KANSL1L: variants seen among roughly 807,000 people sequenced by gnomAD.
KANSL1L encodes KAT8 regulatory NSL complex subunit 1 like, also known as KAT8 regulatory NSL complex subunit 1-like protein.
In KANSL1L, 25 loss-of-function variants were observed where a neutral mutation model predicts 108.6. The ratio of observed to expected loss-of-function variants is 0.23; its 90% confidence interval spans 0.17 to 0.32. The LOEUF (loss-of-function observed/expected upper bound fraction) is 0.32. Among genes scored for constraint, KANSL1L ranks in the 10% least tolerant of loss-of-function variants. The pLI is 1.00. For synonymous variants in KANSL1L, 405 were observed against 395.1 expected, an observed-to-expected ratio of 1.03 and a Z score of -0.30; for missense variants, 1,137 against 1,125.7, an observed-to-expected ratio of 1.01 and a Z score of -0.14.
intron 1 of KANSL1L, among the ~76,000 whole-genome samples, chr2:210,158,429 A>T (rs541384585): frequency 2.6e-5 from 4 of 152,324 alleles, no homozygotes; most frequent in Non-Finnish European, 5.9e-5. Flanking sequence ...CCTAGCCAAC[A>T]CCTTGATTAA....
In KANSL1L at chr2:210,129,131, C is replaced by T. The variant is rs1286320265; in HGVS notation, c.1130G>A (p.Arg377Gln). ...AAGCCAAGTCCATCGGCTGCCAACT[C>T]GTGCTCTGTCTACAAGCCACTTCCA... ...TEWKWLVDRA[R>Q]VGSRWTWLQA... Residue 377 changes from arginine (R) to glutamine (Q), a missense_variant, in exon 3 of 15, where the codon CGA (arginine) becomes CAA (glutamine). Around this residue, in one of 3 missense-constraint regions of KANSL1L, gnomAD observed 556 missense variants for 537.7 expected, o/e 1.03. Coordinates refer to ENST00000281772, the MANE Select transcript of KANSL1L (RefSeq NM_152519.4). 2 of 1,613,870 alleles carry T rather than the reference C, an allele frequency of 1.2e-6. No homozygotes were observed. Among genetic ancestry groups the T allele is most frequent in the South Asian group, 1.1e-5 (1 of 91,078 alleles).
intron 3 of KANSL1L, among the ~76,000 whole-genome samples, chr2:210,113,847 A>G (rs758348277): frequency 6.6e-5 from 10 of 152,184 alleles, no homozygotes; most frequent in Non-Finnish European, 1.3e-4. Flanking sequence ...AAAAACATCA[A>G]TGAACTTGAA....
intron 2 of KANSL1L, among the ~76,000 whole-genome samples, chr2:210,141,017 T>C (rs2095222955): frequency 6.6e-6 from 1 of 152,114 alleles, no homozygotes. Context: ...TGATGGGGTC[T>C]TTACACTTTT....
At chr2:210,171,498 G>A, upstream of KANSL1L, 1 of 154,430 alleles carries the variant, frequency 6.5e-6, no homozygotes, top group Non-Finnish European at 1.4e-5. Flanking sequence ...GGAAACCCCG[G>A]CAGGGGGCGG....
intron 5 of KANSL1L, among the ~76,000 whole-genome samples, chr2:210,090,832 C>T (rs765920303): frequency 3.9e-5 from 6 of 152,144 alleles, no homozygotes; most frequent in Non-Finnish European, 5.9e-5. Context: ...CATGCCCAGC[C>T]GTGTTATTTT....
chr2:210,121,012 T>A (rs1371635292), intron 3 of KANSL1L, among the ~76,000 whole-genome samples: 1 of 152,126 alleles, frequency 6.6e-6, no homozygotes, highest in East Asian at 1.9e-4. Flanking sequence ...GTTGGCAAGG[T>A]TGTGGAGAAA....
chr2:210,033,871 TG>T (rs1257959486), intron 8 of KANSL1L, among the ~76,000 whole-genome samples: 6 of 152,176 alleles, frequency 3.9e-5, no homozygotes, highest in Non-Finnish European at 7.3e-5. Flanking sequence ...TTTATTCAAA[TG>T]TTTTTTTCAC....
chr2:210,128,447 T>A (rs917588039), intron 3 of KANSL1L, among the ~76,000 whole-genome samples: 2 of 152,190 alleles, frequency 1.3e-5, no homozygotes, highest in African/African-American at 2.4e-5. Flanking sequence ...AATTCTAATA[T>A]GCTACAATAT....
intron 2 of KANSL1L, among the ~76,000 whole-genome samples, chr2:210,142,783 T>C (rs2095239699): frequency 6.6e-6 from 1 of 152,134 alleles, no homozygotes. Flanking sequence ...CTGTTACTGA[T>C]TTCTAATTTC....
chr2:210,086,306 C>G (rs1228392730), intron 5 of KANSL1L, among the ~76,000 whole-genome samples: 1 of 151,916 alleles, frequency 6.6e-6, no homozygotes, highest in East Asian at 1.9e-4. Flanking sequence ...AAAGATAATA[C>G]CCCATGGGAT....
In KANSL1L at chr2:210,044,846, T is replaced by A. The variant is rs1279320039; in HGVS notation, c.1756-742A>T. Among the ~76,000 whole-genome samples the A allele has an allele frequency of 2.6e-5, 4 of 152,192 alleles. No homozygotes were observed. The highest frequency in any genetic ancestry group is 5.9e-5 in the Non-Finnish European group (4 of 68,032). On this transcript the variant is annotated intron_variant, in intron 6 of 14. Coordinates refer to ENST00000281772, the MANE Select transcript of KANSL1L (RefSeq NM_152519.4). This position sits in a 1 kb window ranked among gnomAD's most constrained non-coding sequence, Gnocchi z 4.2. Reference sequence around the variant, plus strand: ...GTGCAGTGGCAGGATCTCGGCTCACTGCAACTTCTGCCTCCCGGGTTCAAG... The same window carrying A: ...GTGCAGTGGCAGGATCTCGGCTCACAGCAACTTCTGCCTCCCGGGTTCAAG...
intron 2 of KANSL1L, among the ~76,000 whole-genome samples, chr2:210,135,015 A>G (rs1247663584): frequency 6.6e-6 from 1 of 152,192 alleles, no homozygotes; most frequent in Non-Finnish European, 1.5e-5. Flanking sequence ...AGCTTATCTC[A>G]GAAAGCAAAA....
intron 6 of KANSL1L, among the ~76,000 whole-genome samples, chr2:210,045,318 A>G (rs1364483905): frequency 6.6e-6 from 1 of 152,072 alleles, no homozygotes; most frequent in Non-Finnish European, 1.5e-5. Flanking sequence ...AGTGGTTTCC[A>G]TAGAGATTAC....
rs1230519923 is a variant in KANSL1L at position 210,062,335 on chromosome 2, ATC to A, written c.1755+13215_1755+13216del. 3.9e-5 allele frequency among the ~76,000 whole-genome samples: 6 copies of A among 152,142 alleles called. No homozygotes were observed. The East Asian group carries it at 1.2e-3, about 29-fold the overall frequency. Reference sequence around the variant, plus strand: ...GCCACGTGGAACCGTAGTCTATTAAATCTCTTTTTTCCTCCCAGTCTCGGGTA... The same window carrying A: ...GCCACGTGGAACCGTAGTCTATTAAATCTTTTTTCCTCCCAGTCTCGGGTA... On this transcript the variant is annotated intron_variant, in intron 6 of 14. Coordinates refer to ENST00000281772, the MANE Select transcript of KANSL1L (RefSeq NM_152519.4).
chr2:210,138,041 T>C (rs79768742), intron 2 of KANSL1L, among the ~76,000 whole-genome samples: 2,376 of 151,980 alleles, frequency 0.016, 72 homozygotes, highest in African/African-American at 0.054. Flanking sequence ...AAAAAAAAAA[T>C]TGTACATATC....
In KANSL1L at chr2:210,022,288, T is replaced by A. The variant is rs1403320060; in HGVS notation, c.*661A>T. ...TATGAATTTCTGTAAATAACTTCTGTTGGTTAAACATGTTAAAACAACAAC... is the reference window on the plus strand; with the variant it reads ...TATGAATTTCTGTAAATAACTTCTGATGGTTAAACATGTTAAAACAACAAC... On this transcript the variant is annotated 3_prime_UTR_variant, in exon 15 of 15. Coordinates refer to ENST00000281772, the MANE Select transcript of KANSL1L (RefSeq NM_152519.4). The A allele has an allele frequency of 1.3e-5, 2 of 152,238 alleles. No individual in the cohort carries two copies. The highest frequency in any genetic ancestry group is 3.8e-4 in the East Asian group (2 of 5,204). 9.4% of individuals were successfully genotyped at this position (152,238 alleles called of 1,614,324 possible).
chr2:210,153,752 T>C lies in KANSL1L; in HGVS notation c.831A>G (p.Glu277=), dbSNP rs763852607. 6.8e-6 allele frequency: 11 copies of C among 1,610,862 alleles called. 1 individual carries two copies. The South Asian group carries it at 8.9e-5, about 13-fold the overall frequency. ...HQLPKMKTFH[E]PTTILGNSLP... ...AACTATTACCCAAAATTGTGGTAGG[T>C]TCATGAAATGTCTTCATTTTGGGGA... The change falls in exon 2 of 15, where the codon GAA becomes GAG. Residue 277 remains glutamate (E), a synonymous_variant. Transcript: ENST00000281772.
intron 5 of KANSL1L, chr2:210,079,700 G>GTATATA (rs796956187): frequency 2.4e-4 from 18 of 75,750 alleles, no homozygotes; most frequent in African/African-American, 8.0e-4. Context: ...ATGTATGTGT[G>GTATATA]TATATATATA....
At chr2:210,141,348 C>A (rs561622669) in intron 2 of KANSL1L, among the ~76,000 whole-genome samples, 2 of 151,942 alleles carry the variant, frequency 1.3e-5, no homozygotes, top group South Asian at 4.1e-4. Flanking sequence ...ATGTTAAAAC[C>A]TAATTCCCAA....
Sources: allele counts gnomAD v4.1 joint callset (sites outside exome capture counted in the v4.1 genomes callset), GRCh38; gene constraint gnomAD v4.1.1; regional missense constraint gnomAD v4.1.1; non-coding constraint Gnocchi (gnomAD v3.1); transcripts MANE v1.5; gene names NCBI Gene and HGNC (gene_info 2026-07-23, HGNC 2026-07-21).